The following TSC22D1 variants were observed in gnomAD, a reference collection of about 807,000 sequenced individuals.
TSC22D1 encodes the protein TSC22 domain family protein 1.
TSC22D1 carries 9 observed loss-of-function variants against 74.2 expected under a neutral mutation model. That is an observed-to-expected ratio of 0.12 (90% CI 0.07 to 0.21). The LOEUF (loss-of-function observed/expected upper bound fraction) is 0.21. Ranked by LOEUF, TSC22D1 falls within the 10% of genes least tolerant of loss-of-function variation. The probability of loss-of-function intolerance (pLI) is 1.00; values close to 1 mark genes in which losing one functional copy is unlikely to be tolerated. For missense variants in TSC22D1, 1,427 were observed against 1,304.7 expected (o/e 1.09, Z -1.44); for synonymous variants, 586 against 492.5 (o/e 1.19, Z -2.51).
At chr13:44,519,013 AG>A (rs1396397452) in intron 1 of TSC22D1, among the ~76,000 whole-genome samples, 1 of 152,220 alleles carries the variant, frequency 6.6e-6, no homozygotes. Context: ...CAGTGGATTT[AG>A]TGCCAATTAT....
At chr13:44,550,631 C>G (rs1388040392) in intron 1 of TSC22D1, among the ~76,000 whole-genome samples, 6 of 150,756 alleles carry the variant, frequency 4.0e-5, no homozygotes, top group Non-Finnish European at 7.4e-5. Context: ...AGCTAGTGTA[C>G]ATTCCCTTCA....
chr13:44,517,687 G>GA (rs1234312667), intron 1 of TSC22D1, among the ~76,000 whole-genome samples: 39 of 77,406 alleles, frequency 5.0e-4, no homozygotes, highest in South Asian at 1.1e-3. Flanking sequence ...TCTATCAAAA[G>GA]AAAAAAAAAA....
Position 44,563,091 on chromosome 13 carries a change from C to A in TSC22D1, c.2912+10072G>T, listed in dbSNP as rs548997483. 5.3e-3 allele frequency among the ~76,000 whole-genome samples: 761 copies of A among 144,294 alleles called. 6 individuals carry two copies. The highest frequency in any genetic ancestry group is 8.2e-3 in the Non-Finnish European group (542 of 66,078). 94.7% of individuals were successfully genotyped at this position (144,294 alleles called of 152,430 possible). ...TGCACTCCAGCCTGGGCAACGAGAA[C>A]AAAACTCCATCTCAAAAAAAAAAAA... On this transcript the variant is annotated intron_variant, in intron 1 of 2. Transcript: ENST00000458659.
chr13:44,510,576 G>A (rs896548493), intron 1 of TSC22D1, among the ~76,000 whole-genome samples: 2 of 152,020 alleles, frequency 1.3e-5, no homozygotes, highest in African/African-American at 2.4e-5. Flanking sequence ...TAAAGCTCTG[G>A]TACAGCCATA....
At chr13:44,509,950 C>CAAAAAAAAAAAAAAAAAAAAAATAAAAAA in intron 1 of TSC22D1, among the ~76,000 whole-genome samples, 1 of 51,426 alleles carries the variant, frequency 1.9e-5, no homozygotes, top group Non-Finnish European at 3.6e-5. Flanking sequence ...AGAAAATAAG[C>CAAAAAAAAAAAAAAAAAAAAAATAAAAAA]AAAAAAAAAA....
Position 44,434,898 on chromosome 13 carries a change from G to GA in TSC22D1, c.2965-16dup, listed in dbSNP as rs1333574230. 2 of 1,602,246 alleles carry GA rather than the reference G, an allele frequency of 1.2e-6. No homozygotes were observed. Among genetic ancestry groups the GA allele is most frequent in the African/African-American group, 2.7e-5 (2 of 74,404 alleles). On this transcript the variant is annotated splice_polypyrimidine_tract_variant and intron_variant, in intron 2 of 2. Coordinates refer to ENST00000458659, the MANE Select transcript of TSC22D1 (RefSeq NM_183422.4). The stretch of plus-strand genomic sequence containing the variant: ...TTCACTAGATCCTGGAAAGAAGACA[G>GA]AAAAGGTTTAACTCATTATTTGGTA...
At chr13:44,467,883 AC>A (rs1877380184) in intron 1 of TSC22D1, among the ~76,000 whole-genome samples, 1 of 152,194 alleles carries the variant, frequency 6.6e-6, no homozygotes, top group South Asian at 2.1e-4. Flanking sequence ...CAGCAATCCC[AC>A]TACTGGGTAT....
intron 1 of TSC22D1, among the ~76,000 whole-genome samples, chr13:44,504,942 T>C (rs569011250): frequency 5.9e-5 from 9 of 152,204 alleles, no homozygotes; most frequent in Non-Finnish European, 1.3e-4. Context: ...AAGAAAATTA[T>C]ACATCATGAC....
At chr13:44,517,837 A>G (rs1194892080) in intron 1 of TSC22D1, among the ~76,000 whole-genome samples, 7 of 18,108 alleles carry the variant, frequency 3.9e-4, no homozygotes, top group Non-Finnish European at 8.7e-4. Context: ...GTGTATATAT[A>G]TATATATATA....
At chr13:44,503,249 GGCT>G (rs1309364389) in intron 1 of TSC22D1, among the ~76,000 whole-genome samples, 2 of 151,898 alleles carry the variant, frequency 1.3e-5, no homozygotes, top group Non-Finnish European at 2.9e-5. Context: ...CTAATATAAA[GGCT>G]GCTATTTCAG....
upstream of TSC22D1, chr13:44,576,356 A>G (rs1182389800): frequency 2.6e-6 from 1 of 389,386 alleles, no homozygotes; most frequent in Non-Finnish European, 4.6e-6. Flanking sequence ...ACCCCCCTTT[A>G]TATTCTGCTT....
At chr13:44,436,484 C>CGAT in intron 1 of TSC22D1, 1 of 1,609,150 alleles carries the variant, frequency 6.2e-7, no homozygotes, top group Non-Finnish European at 8.5e-7. Flanking sequence ...TTTAAAGAAA[C>CGAT]TATCTTAGCC....
chr13:44,449,953 T>C (rs1875987758), intron 1 of TSC22D1, among the ~76,000 whole-genome samples: 1 of 152,108 alleles, frequency 6.6e-6, no homozygotes, highest in Admixed American at 6.6e-5. Flanking sequence ...GTTATCAAGA[T>C]GAGTAAGACA....
chr13:44,455,748 A>G (rs540208997), intron 1 of TSC22D1, among the ~76,000 whole-genome samples: 1 of 152,328 alleles, frequency 6.6e-6, no homozygotes, highest in South Asian at 2.1e-4. Flanking sequence ...AGCCTTTTAA[A>G]GCTACTTCTG....
chr13:44,566,650 T>G (rs1883394039), intron 1 of TSC22D1, among the ~76,000 whole-genome samples: 1 of 152,118 alleles, frequency 6.6e-6, no homozygotes, highest in Non-Finnish European at 1.5e-5. Flanking sequence ...CACATCTATT[T>G]TTTCACTCCT....
At chr13:44,485,095 T>A (rs544616482) in intron 1 of TSC22D1, among the ~76,000 whole-genome samples, 1 of 152,156 alleles carries the variant, frequency 6.6e-6, no homozygotes, top group Non-Finnish European at 1.5e-5. Flanking sequence ...TTTACCATAT[T>A]ATAGAAGCAA....
chr13:44,544,197 T>G (rs1013755106), intron 1 of TSC22D1, among the ~76,000 whole-genome samples: 3 of 152,168 alleles, frequency 2.0e-5, no homozygotes, highest in African/African-American at 7.2e-5. Flanking sequence ...ATTTCAAAGG[T>G]ATTATCCTGA....
At chr13:44,513,873 C>G (rs1031958502) in intron 1 of TSC22D1, among the ~76,000 whole-genome samples, 1 of 152,186 alleles carries the variant, frequency 6.6e-6, no homozygotes, top group Admixed American at 6.5e-5. Context: ...CAAATAACCT[C>G]AGACACCAAT....
chr13:44,538,809 G>A, intron 1 of TSC22D1: 1 of 985,402 alleles, frequency 1.0e-6, no homozygotes, highest in African/African-American at 1.7e-5. Context: ...TGGCATGTGT[G>A]ACAGATATCA....
Sources: allele counts gnomAD v4.1 joint callset (sites outside exome capture counted in the v4.1 genomes callset), GRCh38; gene constraint gnomAD v4.1.1; transcripts MANE v1.5; gene names NCBI Gene and HGNC (gene_info 2026-07-23, HGNC 2026-07-21).